The following CAST variants were observed in gnomAD, a reference collection of about 807,000 sequenced individuals.
CAST encodes MIR583 host.
A neutral mutation model predicts 119.6 loss-of-function variants in CAST; 76 were observed. That is an observed-to-expected ratio of 0.64 (90% confidence interval 0.53 to 0.77). The LOEUF (loss-of-function observed/expected upper bound fraction) is 0.77. CAST is among the 30% of genes least tolerant of loss of function. The pLI is 0.00. For synonymous variants in CAST, 319 were observed against 331.6 expected, an observed-to-expected ratio of 0.96 and a Z score of 0.41; for missense variants, 953 against 946.5, an observed-to-expected ratio of 1.01 and a Z score of -0.09.
At position 96,746,418 on chromosome 5, in the gene CAST, C is replaced by T. The variant is rs1259084346; in HGVS notation, c.1277C>T (p.Pro426Leu). Residue 426 changes from proline to leucine, a missense_variant, in exon 17 of 32, where the codon CCA (proline) becomes CTA (leucine). Transcript: ENST00000675179. ...ETIPSEYRLKPATDKDGKPLL... is the reference protein window; with the variant it reads ...ETIPSEYRLKLATDKDGKPLL... ...ATCCCATCTGAGTACAGATTAAAAC[C>T]AGCCACGGTAAATTTTTAGCCACAG... 1.2e-5 allele frequency: 19 copies of T among 1,597,024 alleles called. No individual in the cohort carries two copies. The highest frequency in any genetic ancestry group is 1.5e-5 in the Non-Finnish European group (18 of 1,164,560).
At chr5:96,731,222 G>A (rs1760410159) in intron 9 of CAST, among the ~76,000 whole-genome samples, 1 of 152,174 alleles carries the variant, frequency 6.6e-6, no homozygotes, top group Non-Finnish European at 1.5e-5. Context: ...CAATGCTGAT[G>A]CCAGCTGTCT....
the CAST span, chr5:96,412,382 T>A: frequency 6.2e-7 from 1 of 1,614,154 alleles, no homozygotes; most frequent in South Asian, 1.1e-5. Flanking sequence ...AGTTTTCCCA[T>A]CATCATTAGG....
the CAST span, among the ~76,000 whole-genome samples, chr5:96,238,363 TCTC>T: frequency 0.011 from 1,402 of 125,512 alleles, 32 homozygotes; most frequent in African/African-American, 0.041. Context: ...ATCTTCTTCT[TCTC>T]CTTCTTCTCC....
At chr5:96,364,421 T>G in the CAST span, among the ~76,000 whole-genome samples, 1 of 152,236 alleles carries the variant, frequency 6.6e-6, no homozygotes, top group South Asian at 2.1e-4. Context: ...CAGCTCCTTC[T>G]TGTAGAATTC....
At chr5:96,504,524 C>CT in the CAST span, among the ~76,000 whole-genome samples, 23,282 of 146,632 alleles carry the variant, frequency 0.16, 2,231 homozygotes, top group East Asian at 0.49. Flanking sequence ...GCTTAGAATA[C>CT]TTTTTTTTTT....
At chr5:96,531,655 G>A (rs527499275) in intron 1 of CAST, among the ~76,000 whole-genome samples, 24 of 152,148 alleles carry the variant, frequency 1.6e-4, no homozygotes, top group African/African-American at 5.5e-4. Context: ...AGCCTCCTAC[G>A]TAAAAGAAAA....
the CAST span, among the ~76,000 whole-genome samples, chr5:96,380,243 G>A: frequency 1.3e-5 from 2 of 152,184 alleles, no homozygotes; most frequent in Non-Finnish European, 2.9e-5. Context: ...TGTACTAGAA[G>A]TCATTTTATG....
At chr5:96,183,981 A>G in the CAST span, among the ~76,000 whole-genome samples, 42 of 152,322 alleles carry the variant, frequency 2.8e-4, no homozygotes, top group Non-Finnish European at 5.4e-4. Context: ...CTAGATTTAT[A>G]CTTTACTGAT....
chr5:96,229,636 A>G, the CAST span, among the ~76,000 whole-genome samples: 3 of 152,132 alleles, frequency 2.0e-5, no homozygotes, highest in Non-Finnish European at 4.4e-5. Flanking sequence ...TCAACACATC[A>G]AGTTGTTGAC....
intron 24 of CAST, 48 bp from the exon 25 acceptor site, chr5:96,762,226 A>T (rs750522746): frequency 7.9e-7 from 1 of 1,271,132 alleles, no homozygotes; most frequent in Non-Finnish European, 1.1e-6. Flanking sequence ...CATTGTGCTC[A>T]TAATTTTATA....
the CAST span, among the ~76,000 whole-genome samples, chr5:96,225,530 G>T: frequency 6.6e-6 from 1 of 152,138 alleles, no homozygotes; most frequent in Non-Finnish European, 1.5e-5. Context: ...TATGTTGGGG[G>T]GCATTGGGTT....
chr5:96,027,241 G>A, the CAST span, among the ~76,000 whole-genome samples: 1 of 151,908 alleles, frequency 6.6e-6, no homozygotes, highest in African/African-American at 2.4e-5. Flanking sequence ...TGCTTAAAGT[G>A]TGGTATCAAC....
At chr5:96,297,773 C>G in the CAST span, among the ~76,000 whole-genome samples, 11 of 152,012 alleles carry the variant, frequency 7.2e-5, no homozygotes, top group Non-Finnish European at 1.2e-4. Flanking sequence ...CTATGCCTGG[C>G]TTCCACGTTT....
chr5:96,707,392 C>T (rs1189077216), intron 3 of CAST, among the ~76,000 whole-genome samples: 2 of 145,424 alleles, frequency 1.4e-5, no homozygotes, highest in Non-Finnish European at 3.0e-5. Context: ...TTTAGTTAAC[C>T]TTTTTTTTTT....
At chr5:96,348,010 G>A in the CAST span, among the ~76,000 whole-genome samples, 1 of 152,130 alleles carries the variant, frequency 6.6e-6, no homozygotes, top group East Asian at 1.9e-4. Context: ...CAGAAATCGA[G>A]TTTCAAAAGA....
At chr5:96,454,582 GTGTC>G in the CAST span, among the ~76,000 whole-genome samples, 1 of 152,194 alleles carries the variant, frequency 6.6e-6, no homozygotes, top group South Asian at 2.1e-4. Flanking sequence ...CAATTGTTGA[GTGTC>G]TGTCCTATAC....
chr5:96,337,463 GA>G, the CAST span, among the ~76,000 whole-genome samples: 49 of 152,130 alleles, frequency 3.2e-4, no homozygotes, highest in Admixed American at 3.1e-3. Flanking sequence ...TGAAGAAAGG[GA>G]AAAAATATTA....
At chr5:96,341,103 T>C in the CAST span, among the ~76,000 whole-genome samples, 1 of 152,240 alleles carries the variant, frequency 6.6e-6, no homozygotes, top group Non-Finnish European at 1.5e-5. Context: ...TGTGAGATTC[T>C]ATGCAGAAGG....
chr5:96,295,964 A>G, the CAST span, among the ~76,000 whole-genome samples: 1 of 152,226 alleles, frequency 6.6e-6, no homozygotes, highest in African/African-American at 2.4e-5. Context: ...GTGGTATTAT[A>G]GAAGATTTTA....
Sources: allele counts gnomAD v4.1 joint callset (sites outside exome capture counted in the v4.1 genomes callset), GRCh38; gene constraint gnomAD v4.1.1; transcripts MANE v1.5; gene names NCBI Gene and HGNC (gene_info 2026-07-23, HGNC 2026-07-21).